The following RBFOX1 variants were observed in gnomAD, a reference collection of about 807,000 sequenced individuals.
The protein encoded by RBFOX1 is RNA binding fox-1 homolog 1, also known as RNA binding protein fox-1 homolog 1.
In RBFOX1, 8 loss-of-function variants were observed where a neutral mutation model predicts 57.7. The observed-to-expected ratio is 0.14, with a 90% CI of 0.08 to 0.25. RBFOX1 has a LOEUF of 0.25. Ranked by LOEUF, RBFOX1 falls within the 10% of genes least tolerant of loss-of-function variation. The pLI is 1.00. For synonymous variants in RBFOX1, 326 were observed against 222.4 expected (o/e 1.47, Z -4.15); for missense variants, 611 against 548.5 (o/e 1.11, Z -1.14).
intron 2 of RBFOX1, among the ~76,000 whole-genome samples, chr16:5,597,598 C>G (rs1279106125): frequency 6.6e-6 from 1 of 151,896 alleles, no homozygotes. Context: ...CGGTGTTTCA[C>G]CATGTTGGCC....
chr16:6,744,098 A>G (rs536498857), intron 3 of RBFOX1, among the ~76,000 whole-genome samples: 1 of 152,160 alleles, frequency 6.6e-6, no homozygotes, highest in Non-Finnish European at 1.5e-5. Context: ...CTATACTGAT[A>G]TCACACAAAT....
intron 3 of RBFOX1, among the ~76,000 whole-genome samples, chr16:6,924,219 T>A (rs1481739080): frequency 6.6e-6 from 1 of 151,364 alleles, no homozygotes; most frequent in Non-Finnish European, 1.5e-5. Context: ...TGAAACTGGG[T>A]AATTTATAAA....
chr16:6,971,092 A>T (rs1354413268), intron 3 of RBFOX1, among the ~76,000 whole-genome samples: 1 of 152,158 alleles, frequency 6.6e-6, no homozygotes, highest in Admixed American at 6.6e-5. Flanking sequence ...TCCTGATTGG[A>T]TGGTAGTTAT....
intron 1 of RBFOX1, among the ~76,000 whole-genome samples, chr16:5,335,423 C>T (rs931143782): frequency 3.3e-5 from 5 of 152,146 alleles, no homozygotes; most frequent in Non-Finnish European, 7.3e-5. Context: ...CCGTCATCAG[C>T]GGGACTGGGG....
intron 3 of RBFOX1, among the ~76,000 whole-genome samples, chr16:6,672,158 A>T (rs146117337): frequency 3.5e-4 from 54 of 152,356 alleles, no homozygotes; most frequent in African/African-American, 6.7e-4. Flanking sequence ...CTAGAAATAG[A>T]TACTTATCTT....
chr16:5,856,537 ATGTG>A (rs774246673), intron 3 of RBFOX1, among the ~76,000 whole-genome samples: 22 of 70,238 alleles, frequency 3.1e-4, no homozygotes, highest in South Asian at 1.2e-3. Flanking sequence ...ATATATGTGT[ATGTG>A]TGTGTGTGTG....
intron 3 of RBFOX1, among the ~76,000 whole-genome samples, chr16:6,881,258 C>G (rs1344633653): frequency 6.6e-6 from 1 of 152,128 alleles, no homozygotes; most frequent in Admixed American, 6.5e-5. Flanking sequence ...AAGATTGGAC[C>G]TAGGTGGGGA....
intron 2 of RBFOX1, among the ~76,000 whole-genome samples, chr16:6,493,316 A>C (rs898247952): frequency 1.3e-5 from 2 of 152,134 alleles, no homozygotes; most frequent in Non-Finnish European, 2.9e-5. Flanking sequence ...GAATTTCCTA[A>C]AAATATTAAA....
chr16:6,086,272 G>A (rs2096082479), intron 1 of RBFOX1, among the ~76,000 whole-genome samples: 1 of 152,158 alleles, frequency 6.6e-6, no homozygotes, highest in African/African-American at 2.4e-5. Context: ...GGAACCCCTA[G>A]ATGTCATTTG....
chr16:5,352,976 C>T lies in RBFOX1; in HGVS notation c.219+112871C>T, dbSNP rs755235114. On this transcript the variant is annotated intron_variant, in intron 1 of 2. Transcript: ENST00000585867. ...AAATATCCTTACTTGATACATACTTCGTAGTCAAATTCCCCAATTTTTCTG... is the reference window on the plus strand; with the variant it reads ...AAATATCCTTACTTGATACATACTTTGTAGTCAAATTCCCCAATTTTTCTG... Among the ~76,000 whole-genome samples the T allele has an allele frequency of 2.6e-5, 4 of 152,122 alleles. No individual in the cohort carries two copies. In the South Asian group the frequency reaches 6.2e-4, roughly 24 times the overall value.
chr16:5,468,067 C>A (rs2069008811), intron 2 of RBFOX1, among the ~76,000 whole-genome samples: 1 of 152,158 alleles, frequency 6.6e-6, no homozygotes, highest in African/African-American at 2.4e-5. Flanking sequence ...AGGGCATGCT[C>A]TGTGCCCTCT....
At chr16:5,304,711 CAT>C (rs1482419060) in intron 1 of RBFOX1, among the ~76,000 whole-genome samples, 2 of 152,094 alleles carry the variant, frequency 1.3e-5, no homozygotes, top group African/African-American at 2.4e-5. Context: ...AAATAAGACT[CAT>C]AAACATACAA....
intron 3 of RBFOX1, among the ~76,000 whole-genome samples, chr16:6,999,320 G>T (rs1266170188): frequency 6.6e-6 from 1 of 150,692 alleles, no homozygotes; most frequent in Non-Finnish European, 1.5e-5. Context: ...GCCTCCAAAA[G>T]TGATGGGATG....
chr16:6,584,883 G>A (rs2097585181), intron 2 of RBFOX1, among the ~76,000 whole-genome samples: 1 of 152,154 alleles, frequency 6.6e-6, no homozygotes, highest in Admixed American at 6.5e-5. Context: ...GAGATGTCTG[G>A]TCATGTTCTC....
chr16:6,704,999 C>G (rs1241695828), intron 3 of RBFOX1: 1 of 152,066 alleles, frequency 6.6e-6, no homozygotes, highest in Non-Finnish European at 1.5e-5. Flanking sequence ...TATTTTTTAA[C>G]TTTAATCCGG....
At chr16:6,038,635 G>C (rs2095401026) in intron 1 of RBFOX1, 1 of 147,024 alleles carries the variant, frequency 6.8e-6, no homozygotes, top group South Asian at 2.1e-4. Flanking sequence ...ATATATATGT[G>C]TATGAATGAA....
intron 4 of RBFOX1, among the ~76,000 whole-genome samples, chr16:6,012,365 A>G (rs2094966628): frequency 1.3e-5 from 2 of 152,174 alleles, no homozygotes; most frequent in Admixed American, 6.5e-5. Context: ...TACCACCACC[A>G]CTATCGCCAT....
chr16:6,898,312 G>T (rs2067481954), intron 3 of RBFOX1, among the ~76,000 whole-genome samples: 1 of 152,096 alleles, frequency 6.6e-6, no homozygotes, highest in Non-Finnish European at 1.5e-5. Flanking sequence ...ACCTCTCAGA[G>T]CATAGCTTCC....
chr16:5,578,284 C>T (rs2046538032), intron 2 of RBFOX1, among the ~76,000 whole-genome samples: 1 of 152,136 alleles, frequency 6.6e-6, no homozygotes, highest in South Asian at 2.1e-4. Flanking sequence ...GGCTTCTCAC[C>T]TAGCCTCATT....
Sources: allele counts gnomAD v4.1 joint callset (sites outside exome capture counted in the v4.1 genomes callset), GRCh38; gene constraint gnomAD v4.1.1; transcripts MANE v1.5; gene names NCBI Gene and HGNC (gene_info 2026-07-23, HGNC 2026-07-21).